Variants in BTD observed in about 807,000 individuals in gnomAD.
BTD encodes the protein biotinidase.
In BTD, 13 loss-of-function variants were observed where a neutral mutation model predicts 17.7. That is an observed-to-expected ratio of 0.74 (90% CI 0.48 to 1.17). The LOEUF is 1.17. Among genes scored for constraint, BTD ranks in the 50% most tolerant of loss-of-function variants. The pLI, the probability that BTD is intolerant of heterozygous loss-of-function variation, is 0.00. For synonymous variants in BTD, 240 were observed against 245.2 expected (o/e 0.98, Z 0.20); for missense variants, 674 against 650.4 (o/e 1.04, Z -0.39).
At chr3:15,688,124 G>A (rs2068354246) in intron 3 of BTD, among the ~76,000 whole-genome samples, 1 of 149,940 alleles carries the variant, frequency 6.7e-6, no homozygotes, top group Non-Finnish European at 1.5e-5. Context: ...ACTTCTAAGG[G>A]ACTGGCTAAT....
At chr3:15,713,590 G>A, downstream of BTD, 3 of 1,611,030 alleles carry the variant, frequency 1.9e-6, no homozygotes, top group Non-Finnish European at 2.5e-6. Context: ...ATACCGTGCT[G>A]CTATGTGCAA....
In BTD at chr3:15,642,394, A is replaced by G. The variant is rs530306909; in HGVS notation, c.399+337A>G. 59 of 599,314 alleles carry G rather than the reference A, an allele frequency of 9.8e-5. No individual in the cohort carries two copies. In the African/African-American group the frequency reaches 1.1e-3, roughly 11 times the overall value. 37.1% of individuals were successfully genotyped at this position (599,314 alleles called of 1,614,324 possible). A position where few individuals can be genotyped will look rare whatever the true frequency, so the allele number is the denominator to read the frequency against. ...CCCTTGCTTAGAGAAACTGCCATCA[A>G]CAATTTGATGTGCATTCAGTTGTAT... On this transcript the variant is annotated intron_variant, in intron 3 of 3. Coordinates refer to ENST00000643237, the MANE Select transcript of BTD (RefSeq NM_001370658.1).
At chr3:15,669,860 C>T (rs925504601) in intron 3 of BTD, 1 of 157,214 alleles carries the variant, frequency 6.4e-6, no homozygotes, top group Middle Eastern at 3.1e-3. Context: ...GCACATAATG[C>T]CTACTGTACC....
At chr3:15,669,775 T>C (rs1415431251) in intron 3 of BTD, 1 of 152,894 alleles carries the variant, frequency 6.5e-6, no homozygotes, top group Non-Finnish European at 1.5e-5. Flanking sequence ...TTTCATTTAA[T>C]CTACTCCAGT....
rs191164110 is a variant in BTD at position 15,664,334 on chromosome 3, T to C, written c.399+22277T>C. On this transcript the variant is annotated intron_variant, in intron 3 of 3. Coordinates refer to the BTD transcript ENST00000672141. ...AGTGCATTGGTCAAATAATGGAGAA[T>C]GAGGTTTTGAAAGAGCTCTAGCTTT... Among the ~76,000 whole-genome samples, 223 of 152,314 alleles carry C rather than the reference T, an allele frequency of 1.5e-3. 1 individual carries two copies. Among genetic ancestry groups the C allele is most frequent in the Non-Finnish European group, 4.9e-4 (33 of 68,028 alleles).
chr3:15,721,681 G>C (rs565705204), intron 4 of BTD, among the ~76,000 whole-genome samples: 1 of 152,252 alleles, frequency 6.6e-6, no homozygotes, highest in Non-Finnish European at 1.5e-5. Context: ...GTCATATGCA[G>C]GTATTTTATC....
At chr3:15,670,330 T>C in intron 3 of BTD, 1 of 1,614,012 alleles carries the variant, frequency 6.2e-7, no homozygotes, top group Non-Finnish European at 8.5e-7. Context: ...AGTACTCCTG[T>C]TCCCCTCCAA....
intron 3 of BTD, among the ~76,000 whole-genome samples, chr3:15,691,209 G>A (rs527358592): frequency 1.3e-5 from 2 of 150,158 alleles, no homozygotes; most frequent in South Asian, 2.1e-4. Flanking sequence ...TGCAACCTCC[G>A]CCTCCCTGGG....
At chr3:15,629,516 C>G (rs2065150324) in intron 1 of BTD, among the ~76,000 whole-genome samples, 1 of 152,112 alleles carries the variant, frequency 6.6e-6, no homozygotes, top group Non-Finnish European at 1.5e-5. Context: ...ATTGAAGACT[C>G]CACGGTGGTT....
chr3:15,661,265 CAAAAAAAAA>C (rs56165902), intron 3 of BTD, among the ~76,000 whole-genome samples: 9 of 93,776 alleles, frequency 9.6e-5, no homozygotes, highest in Admixed American at 3.2e-4. Flanking sequence ...GACTCTGTCT[CAAAAAAAAA>C]AAAAAAAAAA....
intron 1 of BTD, among the ~76,000 whole-genome samples, chr3:15,629,459 C>A (rs1226415826): frequency 6.6e-6 from 1 of 152,176 alleles, no homozygotes; most frequent in Non-Finnish European, 1.5e-5. Flanking sequence ...CCAGAATCTC[C>A]CTTGGGAGAG....
intron 1 of BTD, chr3:15,630,208 G>A (rs2065171497): frequency 2.1e-6 from 1 of 479,266 alleles, no homozygotes; most frequent in African/African-American, 2.1e-5. Context: ...GATAGATGAA[G>A]TATTAGAAAT....
In BTD at chr3:15,645,288, G is replaced by A. The variant is rs181396238; in HGVS notation, c.1372G>A (p.Ala458Thr). ...CACCTGTGGACAGGAAATCACAGAGGCCACGGGGATATTTGAGTTTCACCT... is the reference window on the plus strand; with the variant it reads ...CACCTGTGGACAGGAAATCACAGAGACCACGGGGATATTTGAGTTTCACCT... ...FDTCGQEITEATGIFEFHLWG... is the reference protein window; with the variant it reads ...FDTCGQEITETTGIFEFHLWG... Residue 458 changes from alanine to threonine, a missense_variant, in exon 4 of 4, where the codon GCC becomes ACC. Ala to Thr is a moderately conservative substitution (Grantham distance 58). Coordinates refer to ENST00000643237, the MANE Select transcript of BTD (RefSeq NM_001370658.1). The A allele has an allele frequency of 1.8e-5, 29 of 1,614,194 alleles. No homozygotes were observed. In the Admixed American group the frequency reaches 4.3e-4, roughly 24 times the overall value.
chr3:15,700,657 C>T (rs1363941665), intron 3 of BTD, among the ~76,000 whole-genome samples: 1 of 151,998 alleles, frequency 6.6e-6, no homozygotes, highest in African/African-American at 2.4e-5. Flanking sequence ...GCCTGTAGTC[C>T]CAGCTACTCG....
intron 1 of BTD, among the ~76,000 whole-genome samples, chr3:15,618,523 T>A (rs1011167045): frequency 6.6e-6 from 1 of 152,156 alleles, no homozygotes; most frequent in African/African-American, 2.4e-5. Context: ...TTATGGTTTT[T>A]AAAATTTTTT....
At chr3:15,630,054 C>T (rs1371989284) in intron 1 of BTD, 2 of 985,358 alleles carry the variant, frequency 2.0e-6, no homozygotes, top group African/African-American at 3.5e-5. Flanking sequence ...GGCAGCGTCA[C>T]TTTTTACATC....
chr3:15,651,442 G>A lies in BTD; in HGVS notation c.*5954G>A, dbSNP rs1053105095. 5.3e-5 allele frequency among the ~76,000 whole-genome samples: 8 copies of A among 152,196 alleles called. No individual in the cohort carries two copies. The highest frequency in any genetic ancestry group is 8.8e-5 in the Non-Finnish European group (6 of 68,024). Reference sequence around the variant, plus strand: ...GATAATGCACTACCCAGCGGCCAGCGACAGCAGGAGCTATGAGCACCCCAG... The same window carrying A: ...GATAATGCACTACCCAGCGGCCAGCAACAGCAGGAGCTATGAGCACCCCAG... On this transcript the variant is annotated 3_prime_UTR_variant, in exon 4 of 4. Transcript: ENST00000643237.
intron 3 of BTD, chr3:15,684,493 G>C (rs760145890): frequency 6.6e-6 from 1 of 152,086 alleles, no homozygotes; most frequent in East Asian, 1.9e-4. Flanking sequence ...CTTGCAATGT[G>C]CTCAGAAAAC....
At chr3:15,714,617 G>A, downstream of BTD, 1 of 1,600,916 alleles carries the variant, frequency 6.2e-7, no homozygotes, top group Non-Finnish European at 8.5e-7. Context: ...AATCTACCGT[G>A]GAGAGCAGTC....
Sources: gnomAD v4.1 joint callset for allele counts (sites outside exome capture counted in the v4.1 genomes callset) on GRCh38, gnomAD v4.1.1 for gene constraint, MANE v1.5 for transcripts, NCBI Gene and HGNC (gene_info 2026-07-23, HGNC 2026-07-21) for gene names.